The following HMCN1 variants were observed in gnomAD, a reference collection of about 807,000 sequenced individuals.
The protein encoded by HMCN1 is hemicentin 1.
A neutral mutation model predicts 625.9 loss-of-function variants in HMCN1; 321 were observed. The observed-to-expected ratio is 0.51, with a 90% confidence interval of 0.47 to 0.56. The LOEUF is 0.56. Ranked by LOEUF, HMCN1 falls within the 20% of genes least tolerant of loss-of-function variation. The pLI is 0.00. For missense variants in HMCN1, 6,588 were observed against 6,887.3 expected, an observed-to-expected ratio of 0.96 and a Z score of 1.54; for synonymous variants, 2,425 against 2,417.6, an observed-to-expected ratio of 1.00 and a Z score of -0.09.
intron 57 of HMCN1, among the ~76,000 whole-genome samples, chr1:186,083,968 T>A (rs192046712): frequency 6.6e-6 from 1 of 152,304 alleles, no homozygotes; most frequent in Admixed American, 6.5e-5. Flanking sequence ...ACAAACATAA[T>A]CATTGTGAAA....
chr1:186,170,276 T>G (rs1304401756), intron 100 of HMCN1, among the ~76,000 whole-genome samples: 1 of 152,142 alleles, frequency 6.6e-6, no homozygotes, highest in Non-Finnish European at 1.5e-5. Flanking sequence ...TTAAGAGTAT[T>G]GAAGGGAGAT....
intron 1 of HMCN1, among the ~76,000 whole-genome samples, chr1:185,788,056 C>T (rs952500905): frequency 1.3e-5 from 2 of 152,192 alleles, no homozygotes; most frequent in Non-Finnish European, 2.9e-5. Flanking sequence ...CTTGCTGTCT[C>T]CTGCAGCTCA....
chr1:186,067,902 C>T lies in HMCN1; in HGVS notation c.7774C>T (p.Pro2592Ser). ...PEDVTVILNS[P>S]TSLVCEAYSY... ...AGATGTCACTGTCATCCTTAACAGC[C>T]CTACATCTTTGGTCTGTGAAGCTTA... The change falls in exon 50 of 107, where the codon CCT (proline) becomes TCT (serine). Residue 2592 changes from proline to serine, a missense_variant. Pro to Ser is a moderately conservative substitution (Grantham distance 74, BLOSUM62 -1). Coordinates refer to ENST00000271588, the MANE Select transcript of HMCN1 (RefSeq NM_031935.3). 6.2e-7 allele frequency: 1 copy of T among 1,612,232 alleles called. No homozygotes were observed. Among genetic ancestry groups the T allele is most frequent in the Middle Eastern group, 1.7e-4 (1 of 6,054 alleles).
At chr1:186,139,982 T>C (rs977801054) in intron 89 of HMCN1, among the ~76,000 whole-genome samples, 2 of 152,110 alleles carry the variant, frequency 1.3e-5, no homozygotes, top group African/African-American at 4.8e-5. Flanking sequence ...TTTCTAACAA[T>C]GTTGAACTTA....
chr1:185,861,992 A>C (rs558867434), intron 2 of HMCN1, among the ~76,000 whole-genome samples: 7 of 152,324 alleles, frequency 4.6e-5, no homozygotes, highest in African/African-American at 1.4e-4. Flanking sequence ...TTTGTTGAGA[A>C]GTGTTTAATG....
At chr1:185,900,098 C>G (rs1472050489) in intron 4 of HMCN1, among the ~76,000 whole-genome samples, 1 of 151,914 alleles carries the variant, frequency 6.6e-6, no homozygotes, top group Non-Finnish European at 1.5e-5. Context: ...TTTTCAAACT[C>G]TCCCTTTTCC....
At chr1:186,015,538 T>C (rs1654311617) in intron 31 of HMCN1, 101 bp downstream of exon 31, 1 of 1,128,676 alleles carries the variant, frequency 8.9e-7, no homozygotes, top group African/African-American at 1.5e-5. Flanking sequence ...GGGTTTGTCT[T>C]TTTCAATATG....
chr1:186,144,275 C>T lies in HMCN1; in HGVS notation c.14027C>T (p.Ala4676Val), dbSNP rs755745799. ...RARLCNNPPP[A>V]FGGSYCDGAE... ...AGACTTTGTAATAACCCACCACCAG[C>T]GTTTGGTGGGTCCTACTGTGATGGA... Residue 4676 changes from alanine to valine, a missense_variant, in exon 90 of 107, where the codon GCG (alanine) becomes GTG (valine). Coordinates refer to ENST00000271588, the MANE Select transcript of HMCN1 (RefSeq NM_031935.3). The T allele has an allele frequency of 1.5e-5, 24 of 1,613,814 alleles. No homozygotes were observed. The highest frequency in any genetic ancestry group is 1.2e-4 in the Admixed American group (7 of 59,984).
intron 36 of HMCN1, among the ~76,000 whole-genome samples, chr1:186,035,116 A>G (rs1240801530): frequency 6.6e-6 from 1 of 152,052 alleles, no homozygotes; most frequent in Non-Finnish European, 1.5e-5. Flanking sequence ...TTTCTTTTCC[A>G]GTTGGAAAAG....
intron 6 of HMCN1, among the ~76,000 whole-genome samples, chr1:185,921,503 G>A (rs1190746606): frequency 6.6e-6 from 1 of 152,018 alleles, no homozygotes; most frequent in Non-Finnish European, 1.5e-5. Flanking sequence ...ACACAAATAC[G>A]GCTGTCTACC....
At chr1:185,871,747 T>TA (rs10600470) in intron 4 of HMCN1, among the ~76,000 whole-genome samples, 3 of 151,884 alleles carry the variant, frequency 2.0e-5, no homozygotes, top group Non-Finnish European at 4.4e-5. Context: ...GTTCAATACT[T>TA]AAAAAAAACT....
At chr1:186,164,683 T>C (rs1433465733) in intron 97 of HMCN1, among the ~76,000 whole-genome samples, 4 of 152,214 alleles carry the variant, frequency 2.6e-5, no homozygotes, top group Non-Finnish European at 5.9e-5. Flanking sequence ...AGGAGGGAGC[T>C]TCTTCACAGA....
At chr1:185,735,328 A>T (rs1033906030) in intron 1 of HMCN1, among the ~76,000 whole-genome samples, 1 of 152,220 alleles carries the variant, frequency 6.6e-6, no homozygotes. Context: ...AATCTTGGGC[A>T]ACGACATCAA....
rs776798391 is a variant in HMCN1 at position 185,734,987 on chromosome 1, T to A, written c.208T>A (p.Ser70Thr). 3 of 1,614,138 alleles carry A rather than the reference T, an allele frequency of 1.9e-6. No individual in the cohort carries two copies. Among genetic ancestry groups the A allele is most frequent in the Non-Finnish European group, 2.5e-6 (3 of 1,179,998 alleles). ...IEGASKILET[S>T]LKRPKRPLFN... ...AGGGGCTTCCAAAATTTTGGAGACG[T>A]CTTTGAAAAGACCTAAAAGACCTCT... The change falls in exon 1 of 107, where the codon TCT (serine) becomes ACT (threonine). Residue 70 changes from serine (S) to threonine (T), a missense_variant. Physicochemically the swap from Ser to Thr is moderately conservative, Grantham distance 58. Transcript: ENST00000271588.
At chr1:185,902,417 A>ATCTG (rs1292489610) in intron 4 of HMCN1, among the ~76,000 whole-genome samples, 1 of 132,968 alleles carries the variant, frequency 7.5e-6, no homozygotes, top group Admixed American at 7.0e-5. Context: ...CTATCTATCT[A>ATCTG]TCTATCTATC....
intron 36 of HMCN1, among the ~76,000 whole-genome samples, chr1:186,031,032 A>G (rs1289918210): frequency 6.6e-6 from 1 of 152,000 alleles, no homozygotes; most frequent in East Asian, 1.9e-4. Context: ...AATAGGAGAA[A>G]AAATGAGTTA....
At chr1:185,986,264 A>C (rs565383889) in intron 19 of HMCN1, among the ~76,000 whole-genome samples, 7 of 152,246 alleles carry the variant, frequency 4.6e-5, no homozygotes, top group Admixed American at 3.3e-4. Flanking sequence ...ATTTTTTTGC[A>C]CTGAGGTTTC....
chr1:185,906,822 T>C (rs762785243), intron 4 of HMCN1, among the ~76,000 whole-genome samples: 8 of 151,804 alleles, frequency 5.3e-5, no homozygotes, highest in Non-Finnish European at 5.9e-5. Flanking sequence ...TTAAAACAGA[T>C]ATTCTGTCCA....
At chr1:185,785,071 C>T (rs1325277440) in intron 1 of HMCN1, among the ~76,000 whole-genome samples, 1 of 152,138 alleles carries the variant, frequency 6.6e-6, no homozygotes, top group Non-Finnish European at 1.5e-5. Flanking sequence ...GCTTGTTTAT[C>T]TATCTTCATG....
Sources: allele counts gnomAD v4.1 joint callset (sites outside exome capture counted in the v4.1 genomes callset), GRCh38; gene constraint gnomAD v4.1.1; transcripts MANE v1.5; gene names NCBI Gene and HGNC (gene_info 2026-07-23, HGNC 2026-07-21).